The following DLGAP2 variants were observed in gnomAD, a reference collection of about 807,000 sequenced individuals.
DLGAP2 encodes DLG associated protein 2, also known as disks large-associated protein 2.
In DLGAP2, 26 loss-of-function variants were observed where a neutral mutation model predicts 100.3. The ratio of observed to expected loss-of-function variants is 0.26; its 90% confidence interval spans 0.19 to 0.36. The LOEUF (loss-of-function observed/expected upper bound fraction) is 0.36, where lower values mean the gene tolerates loss of function less well. Among genes scored for constraint, DLGAP2 ranks in the 10% least tolerant of loss-of-function variants. DLGAP2 has a pLI of 1.00. For synonymous variants in DLGAP2, 886 were observed against 630.1 expected (o/e 1.41, Z -6.08); for missense variants, 1,858 against 1,453.2 (o/e 1.28, Z -4.53).
intron 8 of DLGAP2, among the ~76,000 whole-genome samples, chr8:1,642,660 T>C (rs370954717): frequency 5.7e-3 from 5 of 872 alleles, no homozygotes; most frequent in Non-Finnish European, 8.9e-3. Context: ...ACCCCGCCGG[T>C]CCTCACCTGT....
chr8:1,309,760 A>G (rs1443656536), intron 3 of DLGAP2, among the ~76,000 whole-genome samples: 1 of 152,248 alleles, frequency 6.6e-6, no homozygotes, highest in East Asian at 1.9e-4. Context: ...ATAAAAGATA[A>G]GTGTACGTCT....
chr8:1,677,559 T>TACCCACGTGCACACAC (rs1269706944), intron 11 of DLGAP2, among the ~76,000 whole-genome samples: 1 of 152,154 alleles, frequency 6.6e-6, no homozygotes. Flanking sequence ...ATACAGAGCA[T>TACCCACGTGCACACAC]ACCCACGTGC....
chr8:1,189,920 A>G (rs915418640), intron 2 of DLGAP2, among the ~76,000 whole-genome samples: 5 of 152,166 alleles, frequency 3.3e-5, no homozygotes, highest in Admixed American at 6.5e-5. Flanking sequence ...GGTGCCAGGA[A>G]AGGAGGTGAA....
chr8:1,283,231 C>A (rs866316344), intron 3 of DLGAP2, among the ~76,000 whole-genome samples: 249 of 149,564 alleles, frequency 1.7e-3, no homozygotes, highest in African/African-American at 5.9e-3. Context: ...CGCCCTGAAC[C>A]ATCCGGACGT....
chr8:840,447 C>A (rs1164288138), intron 1 of DLGAP2, among the ~76,000 whole-genome samples: 1 of 132,678 alleles, frequency 7.5e-6, no homozygotes, highest in African/African-American at 2.9e-5. Flanking sequence ...ACTCTGGATT[C>A]TGGGAGCGCG....
intron 8 of DLGAP2, among the ~76,000 whole-genome samples, chr8:1,635,857 G>T (rs190843886): frequency 2.0e-5 from 3 of 152,338 alleles, no homozygotes; most frequent in African/African-American, 7.2e-5. Context: ...GAGGACGTCT[G>T]TTGGTTTGGG....
intron 2 of DLGAP2, among the ~76,000 whole-genome samples, chr8:1,107,800 G>A (rs917158363): frequency 1.3e-5 from 2 of 152,152 alleles, no homozygotes; most frequent in Non-Finnish European, 2.9e-5. Context: ...ATCCTATGCT[G>A]TGTTTCCACA....
chr8:1,087,627 C>T (rs1192852290), intron 2 of DLGAP2, among the ~76,000 whole-genome samples: 1 of 149,774 alleles, frequency 6.7e-6, no homozygotes, highest in Non-Finnish European at 1.5e-5. Flanking sequence ...TTCATCTGAT[C>T]TTATTTCTCC....
At chr8:1,095,619 G>A (rs1207800452) in intron 2 of DLGAP2, among the ~76,000 whole-genome samples, 2 of 152,172 alleles carry the variant, frequency 1.3e-5, no homozygotes, top group Admixed American at 6.5e-5. Flanking sequence ...TCCGAGTGCT[G>A]GGCGCACAGC....
At chr8:1,357,560 C>A (rs73545646) in intron 3 of DLGAP2, among the ~76,000 whole-genome samples, 1 of 152,048 alleles carries the variant, frequency 6.6e-6, no homozygotes, top group Admixed American at 6.5e-5. Context: ...CACAGGTGCC[C>A]TGGTATTTTA....
At chr8:1,680,825 T>C (rs902294230) in intron 12 of DLGAP2, 2 of 152,242 alleles carry the variant, frequency 1.3e-5, no homozygotes, top group Non-Finnish European at 2.9e-5. Flanking sequence ...TTATAATCTT[T>C]AGCACAAAGA....
chr8:741,276 A>G (rs1820475917), intron 1 of DLGAP2, among the ~76,000 whole-genome samples: 1 of 152,250 alleles, frequency 6.6e-6, no homozygotes. Flanking sequence ...TAAATCTTGC[A>G]TCTACTGGTA....
chr8:1,020,335 CT>C (rs1801592060), intron 2 of DLGAP2, among the ~76,000 whole-genome samples: 1 of 152,234 alleles, frequency 6.6e-6, no homozygotes, highest in Non-Finnish European at 1.5e-5. Context: ...CATGAAGCCC[CT>C]GACTGGCTTA....
At chr8:1,232,729 C>G (rs2116836970) in intron 2 of DLGAP2, among the ~76,000 whole-genome samples, 1 of 152,322 alleles carries the variant, frequency 6.6e-6, no homozygotes, top group Non-Finnish European at 1.5e-5. Context: ...AGTGACTTGT[C>G]TGAGGCCACT....
intron 4 of DLGAP2, among the ~76,000 whole-genome samples, chr8:1,520,183 C>T (rs1800540264): frequency 6.6e-6 from 1 of 152,210 alleles, no homozygotes; most frequent in African/African-American, 2.4e-5. Context: ...GGTTCATCAG[C>T]TATCGATGGG....
At chr8:1,633,116 G>C in intron 8 of DLGAP2, 70 bp downstream of exon 8, 1 of 1,499,466 alleles carries the variant, frequency 6.7e-7, no homozygotes, top group Non-Finnish European at 9.2e-7. Context: ...CCTAGAAGGA[G>C]CGAGCAGCAC....
chr8:979,500 G>C (rs1800268300), intron 2 of DLGAP2, among the ~76,000 whole-genome samples: 1 of 152,210 alleles, frequency 6.6e-6, no homozygotes, highest in South Asian at 2.1e-4. Flanking sequence ...CAGGAGACAT[G>C]GTATTGTAAT....
At chr8:1,170,818 T>G (rs1797113362) in intron 2 of DLGAP2, among the ~76,000 whole-genome samples, 1 of 145,968 alleles carries the variant, frequency 6.9e-6, no homozygotes, top group Non-Finnish European at 1.5e-5. Flanking sequence ...ATTTTGTGGA[T>G]CCTTTCAAAA....
At chr8:1,457,103 C>G (rs1798337431) in intron 3 of DLGAP2, among the ~76,000 whole-genome samples, 1 of 152,300 alleles carries the variant, frequency 6.6e-6, no homozygotes, top group African/African-American at 2.4e-5. Context: ...TAAAAGACTC[C>G]TATTTTATTG....
Sources: allele counts gnomAD v4.1 joint callset (sites outside exome capture counted in the v4.1 genomes callset), GRCh38; gene constraint gnomAD v4.1.1; transcripts MANE v1.5; gene names NCBI Gene and HGNC (gene_info 2026-07-23, HGNC 2026-07-21).